The following SLC35F1 variants were observed in gnomAD, a reference collection of about 807,000 sequenced individuals.
The protein encoded by SLC35F1 is chromosome 6 open reading frame 169.
Under a neutral mutation model 48.7 loss-of-function variants are expected in SLC35F1, and 14 were observed. The observed-to-expected ratio is 0.29, with a 90% confidence interval of 0.19 to 0.45. The LOEUF (loss-of-function observed/expected upper bound fraction) is 0.45, where lower values mean the gene tolerates loss of function less well. Ranked by LOEUF, SLC35F1 falls within the 20% of genes least tolerant of loss-of-function variation. SLC35F1 has a pLI of 1.00. For missense variants in SLC35F1, 404 were observed against 500.0 expected, an observed-to-expected ratio of 0.81 and a Z score of 1.83; for synonymous variants, 190 against 202.2, an observed-to-expected ratio of 0.94 and a Z score of 0.51.
chr6:118,129,625 A>T (rs372372187), intron 1 of SLC35F1, among the ~76,000 whole-genome samples: 3 of 152,112 alleles, frequency 2.0e-5, no homozygotes, highest in Admixed American at 1.3e-4. Flanking sequence ...GGTAGATTCG[A>T]GGGATGTTAT....
chr6:117,924,494 ATATG>A (rs1361678086), intron 1 of SLC35F1, among the ~76,000 whole-genome samples: 18 of 21,144 alleles, frequency 8.5e-4, no homozygotes, highest in Non-Finnish European at 2.1e-3. Flanking sequence ...ACGTATATAC[ATATG>A]TATATACGTA....
chr6:118,303,952 T>C (rs1179230180), intron 7 of SLC35F1, among the ~76,000 whole-genome samples: 1 of 152,198 alleles, frequency 6.6e-6, no homozygotes, highest in African/African-American at 2.4e-5. Flanking sequence ...AAGGATAATC[T>C]CTCATCTCAA....
intron 2 of SLC35F1, among the ~76,000 whole-genome samples, chr6:118,218,060 G>A (rs1026294099): frequency 3.9e-5 from 6 of 152,154 alleles, no homozygotes; most frequent in African/African-American, 1.4e-4. Flanking sequence ...TAGAATGCAA[G>A]TCTTGGGATT....
chr6:118,294,067 A>T (rs1776155035), intron 7 of SLC35F1, among the ~76,000 whole-genome samples: 1 of 152,218 alleles, frequency 6.6e-6, no homozygotes, highest in African/African-American at 2.4e-5. Context: ...AATGTATAAA[A>T]GGTGACCAGC....
At chr6:118,186,881 A>G (rs949357615) in intron 2 of SLC35F1, among the ~76,000 whole-genome samples, 6 of 152,238 alleles carry the variant, frequency 3.9e-5, no homozygotes, top group Non-Finnish European at 5.9e-5. Flanking sequence ...AACTTGAACC[A>G]AAGCCAGCTT....
chr6:117,950,773 A>T (rs1338084693), intron 1 of SLC35F1, among the ~76,000 whole-genome samples: 1 of 152,220 alleles, frequency 6.6e-6, no homozygotes, highest in Non-Finnish European at 1.5e-5. Flanking sequence ...AGTAAACATG[A>T]TTAAAACATT....
intron 2 of SLC35F1, among the ~76,000 whole-genome samples, chr6:118,202,662 C>T (rs1774886876): frequency 3.9e-5 from 6 of 152,196 alleles, no homozygotes; most frequent in Admixed American, 2.6e-4. Context: ...GATGTGACAA[C>T]ATTCCTGCTT....
intron 7 of SLC35F1, among the ~76,000 whole-genome samples, chr6:118,296,500 G>A (rs1035025893): frequency 2.0e-5 from 3 of 152,212 alleles, no homozygotes; most frequent in Admixed American, 6.5e-5. Flanking sequence ...TAGTGAACAA[G>A]TAGCTGGTCT....
At chr6:118,138,951 CT>C (rs908867403) in intron 1 of SLC35F1, among the ~76,000 whole-genome samples, 2 of 146,056 alleles carry the variant, frequency 1.4e-5, no homozygotes, top group Admixed American at 7.1e-5. Context: ...TTTTTAGCCC[CT>C]CCCTTGTTTT....
At chr6:118,136,329 G>A (rs1773794357) in intron 1 of SLC35F1, among the ~76,000 whole-genome samples, 1 of 152,218 alleles carries the variant, frequency 6.6e-6, no homozygotes, top group Admixed American at 6.5e-5. Flanking sequence ...TGAAGAGATA[G>A]AGACATAAAG....
At chr6:118,293,973 T>C (rs1361285276) in intron 7 of SLC35F1, among the ~76,000 whole-genome samples, 3 of 152,150 alleles carry the variant, frequency 2.0e-5, no homozygotes, top group African/African-American at 7.2e-5. Context: ...ATGCTTTAAG[T>C]TATTTGGGCC....
intron 2 of SLC35F1, among the ~76,000 whole-genome samples, chr6:118,222,432 A>G (rs916275268): frequency 2.0e-5 from 3 of 152,102 alleles, no homozygotes; most frequent in Admixed American, 1.3e-4. Context: ...CACATAAAAC[A>G]TAATGCTTGG....
intron 1 of SLC35F1, among the ~76,000 whole-genome samples, chr6:118,086,080 A>G (rs1404229560): frequency 1.3e-5 from 2 of 152,192 alleles, no homozygotes; most frequent in African/African-American, 4.8e-5. Flanking sequence ...AGAAAATGCT[A>G]CTTGGTGTAT....
At chr6:117,923,764 C>T (rs1390187421) in intron 1 of SLC35F1, among the ~76,000 whole-genome samples, 42 of 2,120 alleles carry the variant, frequency 0.02, 3 homozygotes, top group East Asian at 0.17. Flanking sequence ...TATACATATG[C>T]ACATACATAT....
At chr6:117,920,794 T>C (rs1053323920) in intron 1 of SLC35F1, among the ~76,000 whole-genome samples, 11 of 152,194 alleles carry the variant, frequency 7.2e-5, no homozygotes, top group African/African-American at 2.7e-4. Context: ...CATTATAAAG[T>C]GTTGGGTCAT....
intron 1 of SLC35F1, among the ~76,000 whole-genome samples, chr6:118,038,866 C>G (rs770755057): frequency 6.6e-6 from 1 of 152,142 alleles, no homozygotes; most frequent in Admixed American, 6.5e-5. Context: ...AAGCAATCCT[C>G]CTGCCTCAGC....
At chr6:118,203,502 C>G (rs1774896007) in intron 2 of SLC35F1, among the ~76,000 whole-genome samples, 1 of 152,228 alleles carries the variant, frequency 6.6e-6, no homozygotes, top group Non-Finnish European at 1.5e-5. Context: ...CAGGAGGGCC[C>G]TTCAAAATCC....
At chr6:117,965,195 A>G (rs1776545081) in intron 1 of SLC35F1, among the ~76,000 whole-genome samples, 1 of 152,188 alleles carries the variant, frequency 6.6e-6, no homozygotes, top group Non-Finnish European at 1.5e-5. Context: ...AATACCCATA[A>G]ACATCAGTTA....
At chr6:118,107,157 T>C (rs1773337741) in intron 1 of SLC35F1, among the ~76,000 whole-genome samples, 1 of 152,106 alleles carries the variant, frequency 6.6e-6, no homozygotes, top group Non-Finnish European at 1.5e-5. Context: ...ATGGTAGATG[T>C]ACAAGAAATG....
Sources: gnomAD v4.1 joint callset for allele counts (sites outside exome capture counted in the v4.1 genomes callset) on GRCh38, gnomAD v4.1.1 for gene constraint, MANE v1.5 for transcripts, NCBI Gene and HGNC (gene_info 2026-07-23, HGNC 2026-07-21) for gene names.